PHF19: variants seen among roughly 807,000 people sequenced by gnomAD.
The protein encoded by PHF19 is polycomb like 3.
Under a neutral mutation model 79.8 loss-of-function variants are expected in PHF19, and 21 were observed. The observed-to-expected ratio is 0.26, with a 90% CI of 0.19 to 0.38. The LOEUF is 0.38. Ranked by LOEUF, PHF19 falls within the 10% of genes least tolerant of loss-of-function variation. The pLI, the probability that PHF19 is intolerant of heterozygous loss-of-function variation, is 1.00. For missense variants in PHF19, 445 were observed against 744.2 expected (o/e 0.60, Z 4.68); for synonymous variants, 273 against 296.3 (o/e 0.92, Z 0.81).
Position 120,874,460 on chromosome 9 carries a change from C to T in PHF19, c.186+96G>A, listed in dbSNP as rs1300681217. The T allele has an allele frequency of 7.3e-6, 6 of 823,486 alleles. No individual in the cohort carries two copies. In the African/African-American group the frequency reaches 1.0e-4, roughly 14 times the overall value. 51.0% of individuals were successfully genotyped at this position (823,486 alleles called of 1,614,324 possible). On this transcript the variant is annotated intron_variant, in intron 2 of 14. Transcript: ENST00000373896. This position sits in a 1 kb window ranked among gnomAD's most constrained non-coding sequence, Gnocchi z 4.5. Reference sequence around the variant, plus strand: ...GCATGAGGGACAAGAAGGGAATTCTCCAGCAATCCCCCTGCCCCCTGGTCT... The same window carrying T: ...GCATGAGGGACAAGAAGGGAATTCTTCAGCAATCCCCCTGCCCCCTGGTCT...
chr9:120,885,045 C>T (rs2046243819), intron 1 of PHF19, among the ~76,000 whole-genome samples: 1 of 152,182 alleles, frequency 6.6e-6, no homozygotes, highest in South Asian at 2.1e-4. Context: ...CATAGCAAGA[C>T]CACATCTCTA....
rs148906190 is a variant in PHF19, at chr9:120,862,674, T to C, written c.1044A>G (p.Pro348=). The C allele has an allele frequency of 5.1e-5, 82 of 1,614,078 alleles. No individual in the cohort carries two copies. In the South Asian group the frequency reaches 7.6e-4, roughly 15 times the overall value. The change falls in exon 11 of 15, where the codon CCA becomes CCG. Residue 348 remains proline (P), a synonymous_variant. Transcript: ENST00000373896. This position sits in a 1 kb window ranked among gnomAD's most constrained non-coding sequence, Gnocchi z 4.6. ...GTCCTTTGTCAGGCAGCAGCTTCCCTGGCGGGTTGGGTGGGACGCGGATGC... is the reference window on the plus strand; with the variant it reads ...GTCCTTTGTCAGGCAGCAGCTTCCCCGGCGGGTTGGGTGGGACGCGGATGC... ...RLRIRVPPNP[P]GKLLPDKGLL... is the part of the protein sequence containing the mutation.
chr9:120,875,390 G>C (rs1219310329), intron 1 of PHF19, among the ~76,000 whole-genome samples: 1 of 152,208 alleles, frequency 6.6e-6, no homozygotes, highest in Non-Finnish European at 1.5e-5. Flanking sequence ...GCTCCAAGCA[G>C]TGAAGTCATC....
rs2045547469 is a variant in PHF19 at position 120,862,122 on chromosome 9, C to T, written c.1131-117G>A. ...AGCAGTTGGGGAGACAGGCTCTGAACACAGCTGCACCTTCACAGGGAGGCC... is the reference window on the plus strand; with the variant it reads ...AGCAGTTGGGGAGACAGGCTCTGAATACAGCTGCACCTTCACAGGGAGGCC... On this transcript the variant is annotated intron_variant, in intron 11 of 14. Transcript: ENST00000373896. The surrounding 1 kb of genome is among the most constrained non-coding windows in gnomAD (Gnocchi z 4.6). 1 of 763,222 alleles carries T rather than the reference C, an allele frequency of 1.3e-6. No homozygotes were observed. Among genetic ancestry groups the T allele is most frequent in the Non-Finnish European group, 2.4e-6 (1 of 421,872 alleles). 47.3% of individuals were successfully genotyped at this position (763,222 alleles called of 1,614,324 possible).
chr9:120,885,961 C>G (rs1469247483), intron 1 of PHF19, among the ~76,000 whole-genome samples: 1 of 152,194 alleles, frequency 6.6e-6, no homozygotes, highest in Non-Finnish European at 1.5e-5. Flanking sequence ...TCTTTTACAG[C>G]TCTCAGAAGG....
rs1205890066 is a variant in PHF19 at position 120,862,088 on chromosome 9, G to A, written c.1131-83C>T. 12 of 941,620 alleles carry A rather than the reference G, an allele frequency of 1.3e-5. No homozygotes were observed. The highest frequency in any genetic ancestry group is 4.8e-5 in the East Asian group (2 of 41,954). The allele number at this position is 941,620 out of a possible 1,614,324, so 58.3% of individuals were successfully genotyped here. A position where few individuals can be genotyped will look rare whatever the true frequency, so the allele number is the denominator to read the frequency against. On this transcript the variant is annotated intron_variant, in intron 11 of 14. Transcript: ENST00000373896. The surrounding 1 kb of genome is among the most constrained non-coding windows in gnomAD (Gnocchi z 4.6). ...GCCCAGAGGGAGGCGCCGCAGGGGCGGGGGTCACAGCAGTTGGGGAGACAG... is the reference window on the plus strand; with the variant it reads ...GCCCAGAGGGAGGCGCCGCAGGGGCAGGGGTCACAGCAGTTGGGGAGACAG...
In PHF19 at chr9:120,858,013, C is replaced by T; in HGVS notation, c.1674G>A (p.Leu558=). The T allele has an allele frequency of 6.2e-7, 1 of 1,614,130 alleles. No individual in the cohort carries two copies. Among genetic ancestry groups the T allele is most frequent in the Non-Finnish European group, 8.5e-7 (1 of 1,179,968 alleles). ...TGCCCTCAGGTGTGACCCTCCGAGC[C>T]AACACCTGGTACTTCTCCCCACAGG... ...RLACGEKYQV[L]ARRVTPEGKV... Residue 558 remains leucine (L), a synonymous_variant, in exon 15 of 15, where the codon TTG becomes TTA. Transcript: ENST00000373896.
rs41273392 is a variant in PHF19 at position 120,862,740 on chromosome 9, G to A, written c.978C>T (p.Cys326=). The part of the protein sequence containing the change: ...ALNSYKSRFL[C]GKEIKKKKCI... ...ACTTCTTCTTCTTGATCTCCTTGCC[G>A]CAGAGGAACCTGGGGGTGGGCAGTG... is the stretch of plus-strand genomic sequence containing the variant. Residue 326 remains cysteine, a synonymous_variant, in exon 11 of 15, where the codon TGC becomes TGT. Coordinates refer to ENST00000373896, the MANE Select transcript of PHF19 (RefSeq NM_015651.3). The surrounding 1 kb of genome is among the most constrained non-coding windows in gnomAD (Gnocchi z 4.6). 19,778 of 1,613,972 alleles carry A rather than the reference G, an allele frequency of 0.012. 142 individuals carry two copies. Among genetic ancestry groups the A allele is most frequent in the Non-Finnish European group, 0.014 (17,051 of 1,179,912 alleles).
At chr9:120,861,816 G>C (rs146950202) in intron 12 of PHF19, 102 bp downstream of exon 12, 16 of 819,706 alleles carry the variant, frequency 2.0e-5, no homozygotes, top group African/African-American at 1.3e-4. Context: ...AGGGACATGA[G>C]AGAGTCCTCT....
At chr9:120,879,303 G>A (rs1410911555), upstream of PHF19, among the ~76,000 whole-genome samples, 1 of 152,240 alleles carries the variant, frequency 6.6e-6, no homozygotes, top group African/African-American at 2.4e-5. Flanking sequence ...GTGGATGGGA[G>A]ACACACAGGT....
rs897083754 is a variant in PHF19, at chr9:120,876,963, G to A, written c.-16+128C>T. On this transcript the variant is annotated intron_variant, in intron 1 of 14. Coordinates refer to ENST00000373896, the MANE Select transcript of PHF19 (RefSeq NM_015651.3). ...CCCGGTCCCCACCCCCGAGAGCCCCGCTCCGCAGGAGTCTCACCCCCCGGA... is the reference window on the plus strand; with the variant it reads ...CCCGGTCCCCACCCCCGAGAGCCCCACTCCGCAGGAGTCTCACCCCCCGGA... 5.4e-6 allele frequency: 5 copies of A among 918,990 alleles called. No individual in the cohort carries two copies. The African/African-American group carries it at 8.9e-5, about 16-fold the overall frequency. 56.9% of individuals were successfully genotyped at this position (918,990 alleles called of 1,614,324 possible).
chr9:120,889,010 G>C (rs752029428), intron 1 of PHF19, among the ~76,000 whole-genome samples: 1 of 152,210 alleles, frequency 6.6e-6, no homozygotes, highest in Non-Finnish European at 1.5e-5. Context: ...GTGGGTGCTA[G>C]TTTTATCCTT....
chr9:120,878,376 G>A (rs946665315), upstream of PHF19, among the ~76,000 whole-genome samples: 2 of 152,162 alleles, frequency 1.3e-5, no homozygotes, highest in African/African-American at 4.8e-5. Context: ...TGGGGGAAGG[G>A]AGGAAGAACA....
At chr9:120,901,223 C>T in the PHF19 span, among the ~76,000 whole-genome samples, 8 of 151,684 alleles carry the variant, frequency 5.3e-5, no homozygotes, top group South Asian at 2.1e-4. Context: ...GACAGAGTCT[C>T]GCTCTGTCTC....
intron 6 of PHF19, chr9:120,868,891 G>T (rs1032798284): frequency 1.1e-6 from 1 of 951,250 alleles, no homozygotes; most frequent in Non-Finnish European, 1.3e-6. Flanking sequence ...TTCCGGGCCC[G>T]CCCCCCGAGG....
At chr9:120,885,563 G>A (rs1390779069) in intron 1 of PHF19, among the ~76,000 whole-genome samples, 1 of 138,450 alleles carries the variant, frequency 7.2e-6, no homozygotes, top group Non-Finnish European at 1.5e-5. Context: ...GGGTGACAGA[G>A]CAAGACTCTA....
At chr9:120,881,029 A>C (rs1179113784), upstream of PHF19, among the ~76,000 whole-genome samples, 1 of 152,200 alleles carries the variant, frequency 6.6e-6, no homozygotes, top group Non-Finnish European at 1.5e-5. Context: ...TTGGGGCTAC[A>C]GTCAGCTAGT....
At chr9:120,876,325 CCAGGGGCCAGGCCG>C (rs2046049938) in intron 1 of PHF19, 5 of 152,224 alleles carry the variant, frequency 3.3e-5, no homozygotes, top group Admixed American at 3.3e-4. Flanking sequence ...GCCCGCCCGG[CCAGGGGCCAGGCCG>C]GGGCCGCTGC....
chr9:120,894,488 G>C (rs901262394), intron 1 of PHF19, among the ~76,000 whole-genome samples: 3 of 152,142 alleles, frequency 2.0e-5, no homozygotes, highest in Non-Finnish European at 2.9e-5. Context: ...GTACCTCCCG[G>C]GTCCGTGGCG....
Sources: gnomAD v4.1 joint callset for allele counts (sites outside exome capture counted in the v4.1 genomes callset) on GRCh38, gnomAD v4.1.1 for gene constraint, Gnocchi (gnomAD v3.1) non-coding constraint, MANE v1.5 for transcripts, NCBI Gene and HGNC (gene_info 2026-07-23, HGNC 2026-07-21) for gene names.